ACAT2: variants seen among roughly 807,000 people sequenced by gnomAD.
The protein encoded by ACAT2 is acetyl-CoA acetyltransferase 2.
ACAT2 carries 26 observed loss-of-function variants against 37.1 expected under a neutral mutation model. The ratio of observed to expected loss-of-function variants is 0.70; its 90% CI spans 0.51 to 0.97. The LOEUF is 0.97. Among genes scored for constraint, ACAT2 ranks in the 50% least tolerant of loss-of-function variants. The probability of loss-of-function intolerance (pLI) is 0.00; values close to 1 mark genes in which losing one functional copy is unlikely to be tolerated. For synonymous variants in ACAT2, 156 were observed against 163.6 expected, an observed-to-expected ratio of 0.95 and a Z score of 0.35; for missense variants, 468 against 489.0, an observed-to-expected ratio of 0.96 and a Z score of 0.40.
intron 4 of ACAT2, among the ~76,000 whole-genome samples, chr6:159,773,515 G>A (rs960730591): frequency 2.0e-5 from 3 of 152,174 alleles, no homozygotes; most frequent in Admixed American, 6.5e-5. Flanking sequence ...GGCAGCCTAC[G>A]GGGCTTCCAC....
intron 1 of ACAT2, chr6:159,762,718 G>C (rs1780171252): frequency 6.5e-7 from 1 of 1,533,304 alleles, no homozygotes; most frequent in African/African-American, 1.4e-5. Flanking sequence ...GAGGTCGCCT[G>C]TCCAGCCCTC....
intron 4 of ACAT2, among the ~76,000 whole-genome samples, chr6:159,771,272 C>T (rs762320301): frequency 4.0e-5 from 6 of 151,136 alleles, no homozygotes; most frequent in Admixed American, 1.3e-4. Context: ...CCCAGCTACT[C>T]GGGAGGCTGA....
chr6:159,778,075 G>A, intron 7 of ACAT2, 95 bp from the exon 8 acceptor site: 2 of 785,732 alleles, frequency 2.5e-6, no homozygotes, highest in South Asian at 1.8e-5. Context: ...GCAGTTACCA[G>A]TATCATGCAG....
intron 8 of ACAT2, 173 bp downstream of exon 8, chr6:159,778,453 A>C (rs1780482051): frequency 9.0e-6 from 6 of 666,840 alleles, no homozygotes; most frequent in African/African-American, 1.9e-5. Flanking sequence ...AAAAAAAGAC[A>C]TTGGCTTACT....
In ACAT2 at chr6:159,779,054, A is replaced by G; in HGVS notation, c.*225A>G. On this transcript the variant is annotated 3_prime_UTR_variant, in exon 9 of 9. Transcript: ENST00000367048. ...TAAAAGGAACATCAGATCAATCATT[A>G]AGGGCTCCAGAGTGAACAGCATCTT... is the stretch of plus-strand genomic sequence containing the variant. 6.2e-7 allele frequency: 1 copy of G among 1,613,120 alleles called. No homozygotes were observed. The highest frequency in any genetic ancestry group is 8.5e-7 in the Non-Finnish European group (1 of 1,179,264).
chr6:159,770,843 T>A (rs1218505470), intron 4 of ACAT2, among the ~76,000 whole-genome samples: 1 of 151,944 alleles, frequency 6.6e-6, no homozygotes, highest in African/African-American at 2.4e-5. Flanking sequence ...GCCGGGTAGA[T>A]CATCTGAGGT....
At chr6:159,769,031 A>G (rs1583127325) in intron 4 of ACAT2, among the ~76,000 whole-genome samples, 1 of 152,238 alleles carries the variant, frequency 6.6e-6, no homozygotes, top group African/African-American at 2.4e-5. Context: ...TGGCAAAGCA[A>G]CTGGGAAATC....
intron 5 of ACAT2, 49 bp from the exon 6 acceptor site, chr6:159,776,101 T>TA: frequency 6.3e-7 from 1 of 1,595,302 alleles, no homozygotes; most frequent in Non-Finnish European, 8.5e-7. Flanking sequence ...CCAGCACACT[T>TA]ACTTCTGTCT....
chr6:159,762,383 G>T (rs558674693), intron 1 of ACAT2: 1 of 1,364,618 alleles, frequency 7.3e-7, no homozygotes, highest in Non-Finnish European at 9.6e-7. Flanking sequence ...TGGCTCCCGG[G>T]GTAGAGCCAT....
chr6:159,762,047 C>T lies in ACAT2; in HGVS notation c.-41C>T. ...GGCTGCGAGGAGGAGCTTTGCCTAG[C>T]TTGCAGGCAGCGCAGGGCAGACGGC... On this transcript the variant is annotated 5_prime_UTR_variant, in exon 1 of 9. Transcript: ENST00000367048. 6.2e-7 allele frequency: 1 copy of T among 1,608,688 alleles called. No individual in the cohort carries two copies. Among genetic ancestry groups the T allele is most frequent in the Non-Finnish European group, 8.5e-7 (1 of 1,177,168 alleles).
chr6:159,776,879 C>T (rs937300798), intron 6 of ACAT2, among the ~76,000 whole-genome samples: 10 of 152,110 alleles, frequency 6.6e-5, no homozygotes, highest in African/African-American at 1.4e-4. Context: ...ATCTCCGCCT[C>T]CCAGGTTCAA....
At chr6:159,775,457 G>A (rs892213121) in intron 5 of ACAT2, 144 bp downstream of exon 5, 10 of 953,546 alleles carry the variant, frequency 1.0e-5, no homozygotes, top group African/African-American at 9.9e-5. Context: ...CATGAATGTG[G>A]GGAGGGGGTA....
intron 7 of ACAT2, 91 bp downstream of exon 7, chr6:159,777,547 C>T (rs1456257242): frequency 3.7e-6 from 5 of 1,356,632 alleles, no homozygotes; most frequent in Non-Finnish European, 5.0e-6. Context: ...TCTTTCCCTA[C>T]CAGAAGAGTA....
chr6:159,778,340 A>G (rs2114987145), intron 8 of ACAT2, 60 bp downstream of exon 8: 2 of 1,238,610 alleles, frequency 1.6e-6, no homozygotes, highest in African/African-American at 1.5e-5. Context: ...CAATTTTAAG[A>G]TAGTATCTTC....
chr6:159,778,677 G>T lies in ACAT2; in HGVS notation c.1042G>T (p.Ala348Ser), dbSNP rs373153343. Residue 348 changes from alanine to serine, a missense_variant, in exon 9 of 9, where the codon GCT becomes TCT. Coordinates refer to ENST00000367048, the MANE Select transcript of ACAT2 (RefSeq NM_005891.3). ...NPEKVNIEGG[A>S]IALGHPLGAS... ...CCGTTAGGTCAATATTGAAGGAGGG[G>T]CTATAGCCTTGGGCCACCCTCTTGG... is the stretch of plus-strand genomic sequence containing the variant. 5.1e-5 allele frequency: 82 copies of T among 1,614,064 alleles called. No individual in the cohort carries two copies. Among genetic ancestry groups the T allele is most frequent in the Non-Finnish European group, 6.9e-5 (81 of 1,180,028 alleles).
At chr6:159,770,547 C>T (rs1279191356) in intron 4 of ACAT2, among the ~76,000 whole-genome samples, 13 of 152,010 alleles carry the variant, frequency 8.6e-5, no homozygotes, top group African/African-American at 1.7e-4. Flanking sequence ...CATGGTGGCT[C>T]GCACCTGTAA....
Position 159,778,912 on chromosome 6 carries a change from G to A in ACAT2, c.*83G>A. On this transcript the variant is annotated 3_prime_UTR_variant, in exon 9 of 9. Coordinates refer to ENST00000367048, the MANE Select transcript of ACAT2 (RefSeq NM_005891.3). ...CAATATGTGAAATCAGAGGACCAAAGTACAGATGGAAACCATTTCCTACAT... is the reference window on the plus strand; with the variant it reads ...CAATATGTGAAATCAGAGGACCAAAATACAGATGGAAACCATTTCCTACAT... 1.3e-6 allele frequency: 2 copies of A among 1,586,778 alleles called. No homozygotes were observed. Among genetic ancestry groups the A allele is most frequent in the Non-Finnish European group, 8.6e-7 (1 of 1,162,880 alleles).
chr6:159,762,711 G>A (rs1780170870), intron 1 of ACAT2: 3 of 1,525,524 alleles, frequency 2.0e-6, no homozygotes, highest in African/African-American at 1.4e-5. Context: ...CGTTCTGGAG[G>A]TCGCCTGTCC....
chr6:159,775,330 G>C lies in ACAT2; in HGVS notation c.634+17G>C. On this transcript the variant is annotated intron_variant, in intron 5 of 8. Coordinates refer to ENST00000367048, the MANE Select transcript of ACAT2 (RefSeq NM_005891.3). The stretch of plus-strand genomic sequence containing the variant: ...CTAGAAAAGGTGAGTATATCATAGT[G>C]GTTTAAACATCAACCTATTTATAGG... 2 of 1,610,604 alleles carry C rather than the reference G, an allele frequency of 1.2e-6. No individual in the cohort carries two copies. Among genetic ancestry groups the C allele is most frequent in the Non-Finnish European group, 1.7e-6 (2 of 1,178,064 alleles).
Sources: gnomAD v4.1 joint callset for allele counts (sites outside exome capture counted in the v4.1 genomes callset) on GRCh38, gnomAD v4.1.1 for gene constraint, MANE v1.5 for transcripts, NCBI Gene and HGNC (gene_info 2026-07-23, HGNC 2026-07-21) for gene names.